The following PRKAA2 variants were observed in gnomAD, a reference collection of about 807,000 sequenced individuals.
PRKAA2 encodes the protein protein kinase AMP-activated catalytic subunit alpha 2.
A neutral mutation model predicts 56.3 loss-of-function variants in PRKAA2; 40 were observed. That is an observed-to-expected ratio of 0.71 (90% CI 0.55 to 0.92). PRKAA2 has a LOEUF of 0.92. Ranked by LOEUF, PRKAA2 falls within the 40% of genes least tolerant of loss-of-function variation. The pLI is 0.00. For synonymous variants in PRKAA2, 214 were observed against 234.2 expected (o/e 0.91, Z 0.79); for missense variants, 542 against 686.9 (o/e 0.79, Z 2.36).
chr1:56,651,472 T>G (rs1459675804), intron 1 of PRKAA2, among the ~76,000 whole-genome samples: 1 of 152,170 alleles, frequency 6.6e-6, no homozygotes, highest in Non-Finnish European at 1.5e-5. Flanking sequence ...TCCAGTGCTA[T>G]TAAGTGGTAG....
At chr1:56,658,349 A>T (rs1643961743) in intron 1 of PRKAA2, among the ~76,000 whole-genome samples, 1 of 152,196 alleles carries the variant, frequency 6.6e-6, no homozygotes, top group South Asian at 2.1e-4. Context: ...GACGAGTAAG[A>T]AGGAGATGAA....
At position 56,713,206 on chromosome 1, in the gene PRKAA2, C is replaced by G. The variant is rs376063646; in HGVS notation, c.*5493C>G. 3.3e-5 allele frequency: 5 copies of G among 152,106 alleles called. No individual in the cohort carries two copies. Among genetic ancestry groups the G allele is most frequent in the Admixed American group, 2.6e-4 (4 of 15,260 alleles). 9.4% of individuals were successfully genotyped at this position (152,106 alleles called of 1,614,324 possible). On this transcript the variant is annotated 3_prime_UTR_variant, in exon 9 of 9. Coordinates refer to ENST00000371244, the MANE Select transcript of PRKAA2 (RefSeq NM_006252.4). ...CACTGAACAGTAATAGCACAAAGAA[C>G]AGGTCACACAGTCTAGACTGGATTG...
chr1:56,680,821 G>A (rs1034077719), intron 2 of PRKAA2, among the ~76,000 whole-genome samples: 6 of 152,284 alleles, frequency 3.9e-5, no homozygotes, highest in Non-Finnish European at 8.8e-5. Flanking sequence ...ATAAACATAC[G>A]TGTGCATGTG....
rs1400370029 is a variant in PRKAA2, at chr1:56,664,429, A to AT, written c.95-9946dup. On this transcript the variant is annotated intron_variant, in intron 1 of 8. Transcript: ENST00000371244. The stretch of plus-strand genomic sequence containing the variant: ...TTTTTCATAATATGCATTTCCATGA[A>AT]TTTTTTGAATTTTTTAAATATTTTT... 2.0e-5 allele frequency among the ~76,000 whole-genome samples: 3 copies of AT among 151,550 alleles called. No individual in the cohort carries two copies. The East Asian group carries it at 5.8e-4, about 29-fold the overall frequency.
intron 1 of PRKAA2, among the ~76,000 whole-genome samples, chr1:56,660,280 A>G (rs1643983691): frequency 6.6e-6 from 1 of 152,242 alleles, no homozygotes; most frequent in African/African-American, 2.4e-5. Flanking sequence ...AATGAATGAA[A>G]GACTTCAAGG....
At chr1:56,652,607 A>G (rs1569704472) in intron 1 of PRKAA2, among the ~76,000 whole-genome samples, 1 of 152,216 alleles carries the variant, frequency 6.6e-6, no homozygotes, top group Non-Finnish European at 1.5e-5. Context: ...AAACCATTAG[A>G]TGCTGAGCCT....
At chr1:56,645,823 A>T (rs1324048142) in intron 1 of PRKAA2, among the ~76,000 whole-genome samples, 1 of 151,830 alleles carries the variant, frequency 6.6e-6, no homozygotes, top group Non-Finnish European at 1.5e-5. Context: ...GGAGAACTGG[A>T]CTCGTTCTGC....
Position 56,707,511 on chromosome 1 carries a change from C to T in PRKAA2, c.1457C>T (p.Pro486Leu). 6.2e-7 allele frequency: 1 copy of T among 1,614,142 alleles called. No homozygotes were observed. Among genetic ancestry groups the T allele is most frequent in the Non-Finnish European group, 8.5e-7 (1 of 1,180,030 alleles). Residue 486 changes from proline (P) to leucine (L), a missense_variant, in exon 9 of 9, where the codon CCT (proline) becomes CTT (leucine). Transcript: ENST00000371244. ...VVEQRSGSST[P>L]QRSCSAAGLH... is the part of the protein sequence containing the mutation. ...GAGCAGAGATCTGGTTCCTCAACACCTCAGCGTTCCTGTTCTGCTGCTGGC... is the reference window on the plus strand; with the variant it reads ...GAGCAGAGATCTGGTTCCTCAACACTTCAGCGTTCCTGTTCTGCTGCTGGC...
chr1:56,655,457 T>G (rs1251065704), intron 1 of PRKAA2, among the ~76,000 whole-genome samples: 1 of 150,520 alleles, frequency 6.6e-6, no homozygotes, highest in African/African-American at 2.4e-5. Context: ...TGGAACTATA[T>G]GGTGTTCCAT....
chr1:56,651,760 A>G (rs1222991337), intron 1 of PRKAA2, among the ~76,000 whole-genome samples: 1 of 152,086 alleles, frequency 6.6e-6, no homozygotes, highest in East Asian at 1.9e-4. Context: ...ATTTCTTATT[A>G]TAAAATGTGC....
chr1:56,656,416 A>G (rs1454828977), intron 1 of PRKAA2, among the ~76,000 whole-genome samples: 1 of 152,244 alleles, frequency 6.6e-6, no homozygotes, highest in Non-Finnish European at 1.5e-5. Context: ...TTCTATTGCC[A>G]ACAACAGTAT....
intron 1 of PRKAA2, among the ~76,000 whole-genome samples, chr1:56,666,481 TG>T (rs756562152): frequency 6.6e-6 from 1 of 152,180 alleles, no homozygotes; most frequent in Non-Finnish European, 1.5e-5. Context: ...GTACTTCATT[TG>T]AAAGACAAAT....
intron 1 of PRKAA2, among the ~76,000 whole-genome samples, chr1:56,657,920 T>C (rs372785221): frequency 5.9e-5 from 9 of 151,850 alleles, no homozygotes; most frequent in African/African-American, 1.9e-4. Flanking sequence ...CGTTGGGAAG[T>C]CTAAGTATGT....
In PRKAA2 at chr1:56,708,020, G is replaced by A. The variant is rs1644344402; in HGVS notation, c.*307G>A. ...CAGACGATTAACACACCACACTGGC[G>A]AACCATCTCAATGTAAGGGTGGTTT... On this transcript the variant is annotated 3_prime_UTR_variant, in exon 9 of 9. Coordinates refer to ENST00000371244, the MANE Select transcript of PRKAA2 (RefSeq NM_006252.4). The A allele has an allele frequency of 9.1e-6, 3 of 328,764 alleles. No individual in the cohort carries two copies. The highest frequency in any genetic ancestry group is 4.3e-5 in the African/African-American group (2 of 46,842). The allele number at this position is 328,764 out of a possible 1,614,324, so 20.4% of individuals were successfully genotyped here.
At chr1:56,681,845 T>A (rs1370332150) in intron 2 of PRKAA2, among the ~76,000 whole-genome samples, 2 of 152,194 alleles carry the variant, frequency 1.3e-5, no homozygotes, top group Non-Finnish European at 2.9e-5. Flanking sequence ...GTGGGCTCTT[T>A]TTTGGTTCCA....
At position 56,697,012 on chromosome 1, in the gene PRKAA2, A is replaced by ATTTTTTTT. The variant is rs752842791; in HGVS notation, c.788+861_788+868dup. Reference sequence around the variant, plus strand: ...CCTTTTCATCATTAGCCAGCAAAGAATTTTTTTTTTTTTTTAAGGCAGGGT... The same window carrying ATTTTTTTT: ...CCTTTTCATCATTAGCCAGCAAAGAATTTTTTTTTTTTTTTTTTTTTTTAAGGCAGGGT... On this transcript the variant is annotated intron_variant, in intron 6 of 8. Transcript: ENST00000371244. Among the ~76,000 whole-genome samples, 12 of 57,888 alleles carry ATTTTTTTT rather than the reference A, an allele frequency of 2.1e-4. 1 individual carries two copies. Among genetic ancestry groups the ATTTTTTTT allele is most frequent in the South Asian group, 1.5e-3 (2 of 1,354 alleles). 38.0% of individuals were successfully genotyped at this position (57,888 alleles called of 152,430 possible).
At chr1:56,678,991 G>T (rs560867376) in intron 2 of PRKAA2, among the ~76,000 whole-genome samples, 3 of 152,296 alleles carry the variant, frequency 2.0e-5, no homozygotes, top group African/African-American at 7.2e-5. Flanking sequence ...ACCATGCCCA[G>T]CCTAATTCTT....
chr1:56,692,321 C>A, intron 3 of PRKAA2, 37 bp from the exon 4 acceptor site: 2 of 1,612,624 alleles, frequency 1.2e-6, no homozygotes, highest in Non-Finnish European at 1.7e-6. Flanking sequence ...TGCCCAGCCC[C>A]AGATATTCTT....
intron 1 of PRKAA2, among the ~76,000 whole-genome samples, chr1:56,659,295 A>G (rs1643974172): frequency 6.6e-6 from 1 of 151,652 alleles, no homozygotes. Flanking sequence ...CCAGGCATTC[A>G]AAACCAGCCG....
Sources: allele counts gnomAD v4.1 joint callset (sites outside exome capture counted in the v4.1 genomes callset), GRCh38; gene constraint gnomAD v4.1.1; transcripts MANE v1.5; gene names NCBI Gene and HGNC (gene_info 2026-07-23, HGNC 2026-07-21).